The following KATNB1 variants were observed in gnomAD, a reference collection of about 807,000 sequenced individuals.
KATNB1 encodes the protein katanin regulatory subunit B1.
In KATNB1, 38 loss-of-function variants were observed where a neutral mutation model predicts 82.3. The observed-to-expected ratio is 0.46, with a 90% CI of 0.36 to 0.61. The LOEUF (loss-of-function observed/expected upper bound fraction) is 0.61. Among genes scored for constraint, KATNB1 ranks in the 20% least tolerant of loss-of-function variants. The pLI is 0.00. For missense variants in KATNB1, 749 were observed against 915.7 expected, an observed-to-expected ratio of 0.82 and a Z score of 2.35; for synonymous variants, 361 against 368.7, an observed-to-expected ratio of 0.98 and a Z score of 0.24.
At chr16:57,736,914 C>A in intron 1 of KATNB1, 64 bp from the exon 2 acceptor site, 5 of 585,808 alleles carry the variant, frequency 8.5e-6, no homozygotes, top group Non-Finnish European at 1.6e-5. Context: ...TCTTGGTGAT[C>A]CAGGGAGCAA....
At chr16:57,748,923 A>G (rs1442848881) in intron 4 of KATNB1, among the ~76,000 whole-genome samples, 1 of 152,204 alleles carries the variant, frequency 6.6e-6, no homozygotes, top group Non-Finnish European at 1.5e-5. Flanking sequence ...GCGGGTGTGG[A>G]CTGGAGCAAG....
chr16:57,752,198 C>A, intron 8 of KATNB1, 143 bp downstream of exon 8: 1 of 679,418 alleles, frequency 1.5e-6, no homozygotes, highest in Admixed American at 2.1e-5. Flanking sequence ...GGATTTCAGC[C>A]GAGCCAGGAC....
intron 3 of KATNB1, among the ~76,000 whole-genome samples, chr16:57,743,647 C>T (rs1037011544): frequency 2.0e-5 from 3 of 152,234 alleles, no homozygotes; most frequent in African/African-American, 4.8e-5. Context: ...AGGCCCCAGC[C>T]GGCCTCACCC....
chr16:57,744,322 G>C (rs554206366), intron 3 of KATNB1, 72 bp from the exon 4 acceptor site: 1 of 1,318,352 alleles, frequency 7.6e-7, no homozygotes, highest in African/African-American at 1.4e-5. Flanking sequence ...CTTTCCGGGG[G>C]ACTTGGAATT....
At chr16:57,745,656 T>C (rs1471222939) in intron 4 of KATNB1, among the ~76,000 whole-genome samples, 1 of 152,052 alleles carries the variant, frequency 6.6e-6, no homozygotes, top group East Asian at 1.9e-4. Flanking sequence ...CCCAGCCCCA[T>C]GGCTCGTGTT....
At chr16:57,736,817 G>GT (rs2049103684) in intron 1 of KATNB1, 161 bp from the exon 2 acceptor site, 2 of 379,552 alleles carry the variant, frequency 5.3e-6, no homozygotes, top group Middle Eastern at 6.0e-4. Flanking sequence ...CCTACCTGAG[G>GT]TGCCCCCTCT....
rs1007308260 is a variant in KATNB1, at chr16:57,751,519, A to C, written c.433-122A>C. 9.4e-6 allele frequency: 10 copies of C among 1,064,016 alleles called. No individual in the cohort carries two copies. Among genetic ancestry groups the C allele is most frequent in the Non-Finnish European group, 1.4e-5 (10 of 698,560 alleles). 65.9% of individuals were successfully genotyped at this position (1,064,016 alleles called of 1,614,324 possible). A position where few individuals can be genotyped will look rare whatever the true frequency, so the allele number is the denominator to read the frequency against. ...AGAGCCACGTTCATCAAACTGCTCCAAGCAGAACCAGGCGGGTAACCAGTG... is the reference window on the plus strand; with the variant it reads ...AGAGCCACGTTCATCAAACTGCTCCCAGCAGAACCAGGCGGGTAACCAGTG... On this transcript the variant is annotated intron_variant, in intron 6 of 19. Coordinates refer to ENST00000379661, the MANE Select transcript of KATNB1 (RefSeq NM_005886.3). The surrounding 1 kb of genome is among the most constrained non-coding windows in gnomAD (Gnocchi z 6.3).
At chr16:57,738,188 G>T (rs1567895281) in intron 2 of KATNB1, among the ~76,000 whole-genome samples, 1 of 152,018 alleles carries the variant, frequency 6.6e-6, no homozygotes, top group Non-Finnish European at 1.5e-5. Flanking sequence ...TAGCTTTTGT[G>T]TGCTCCACCT....
chr16:57,752,078 G>A (rs782632461), intron 8 of KATNB1, 23 bp downstream of exon 8: 2 of 1,509,162 alleles, frequency 1.3e-6, no homozygotes, highest in Non-Finnish European at 1.8e-6. Context: ...AGCGAGGCGA[G>A]TTGCTTGTGA....
intron 3 of KATNB1, 30 bp from the exon 4 acceptor site, chr16:57,744,364 T>C: frequency 1.9e-6 from 3 of 1,567,092 alleles, no homozygotes; most frequent in Non-Finnish European, 2.6e-6. Context: ...TGTCCAGCAG[T>C]GCACGGAAGC....
At position 57,755,383 on chromosome 16, in the gene KATNB1, G is replaced by A. The variant is rs1555585565; in HGVS notation, c.1455G>A (p.Glu485=). 6.2e-7 allele frequency: 1 copy of A among 1,613,368 alleles called. No individual in the cohort carries two copies. The highest frequency in any genetic ancestry group is 1.7e-5 in the Admixed American group (1 of 60,030). The change falls in exon 16 of 20, where the codon GAG becomes GAA. Residue 485 remains glutamate, a synonymous_variant. Coordinates refer to ENST00000379661, the MANE Select transcript of KATNB1 (RefSeq NM_005886.3). ...CCCAGCAGGCCGAGCTGGTGGACGA[G>A]GATGCCATGTCACAGATCCGCAAAG... The part of the protein sequence containing the change: ...KIPQQAELVD[E]DAMSQIRKGH...
In KATNB1 at chr16:57,755,876, G is replaced by A; in HGVS notation, c.1602G>A (p.Leu534=). Residue 534 remains leucine, a synonymous_variant, in exon 17 of 20, where the codon CTG becomes CTA. Coordinates refer to ENST00000379661, the MANE Select transcript of KATNB1 (RefSeq NM_005886.3). ...SVDSAVAIND[L]SVVVDLLNIV... ...ACTCCGCTGTGGCCATCAACGACCT[G>A]TCGGTGGTGGTGGACCTCCTGAACA... 1 of 1,596,638 alleles carries A rather than the reference G, an allele frequency of 6.3e-7. No homozygotes were observed. The highest frequency in any genetic ancestry group is 8.6e-7 in the Non-Finnish European group (1 of 1,166,578).
Position 57,755,392 on chromosome 16 carries a change from G to A in KATNB1, c.1464G>A (p.Met488Ile). 1 of 1,613,342 alleles carries A rather than the reference G, an allele frequency of 6.2e-7. No individual in the cohort carries two copies. The highest frequency in any genetic ancestry group is 1.6e-4 in the Middle Eastern group (1 of 6,062). Residue 488 changes from methionine (M) to isoleucine (I), a missense_variant, in exon 16 of 20, where the codon ATG (methionine) becomes ATA (isoleucine). Met to Ile is a conservative substitution (Grantham distance 10). This residue lies in a region of KATNB1 where 407 missense variants were observed against 434.7 expected (regional missense o/e 0.94). Transcript: ENST00000379661. The part of the protein sequence containing the change: ...QQAELVDEDA[M>I]SQIRKGHDTM... ...CCGAGCTGGTGGACGAGGATGCCATGTCACAGATCCGCAAAGGCCACGACA... is the reference window on the plus strand; with the variant it reads ...CCGAGCTGGTGGACGAGGATGCCATATCACAGATCCGCAAAGGCCACGACA...
Position 57,756,478 on chromosome 16 carries a change from G to A in KATNB1, c.1835+6G>A, listed in dbSNP as rs782645219. ...GATATCAGCAGGGAGGAGAGGTGAG[G>A]GCAGCGCATGTGTTGGGGGCAGGGG... On this transcript the variant is annotated splice_donor_region_variant and intron_variant, in intron 19 of 19. Transcript: ENST00000379661. 4 of 1,609,870 alleles carry A rather than the reference G, an allele frequency of 2.5e-6. No homozygotes were observed. In the South Asian group the frequency reaches 3.3e-5, roughly 13 times the overall value.
chr16:57,751,859 A>G lies in KATNB1; in HGVS notation c.517-81A>G. 1.4e-6 allele frequency: 2 copies of G among 1,413,206 alleles called. No individual in the cohort carries two copies. Among genetic ancestry groups the G allele is most frequent in the Non-Finnish European group, 2.0e-6 (2 of 1,008,158 alleles). The allele number at this position is 1,413,206 out of a possible 1,614,324, so 87.5% of individuals were successfully genotyped here. A position where few individuals can be genotyped will look rare whatever the true frequency, so the allele number is the denominator to read the frequency against. On this transcript the variant is annotated intron_variant, in intron 7 of 19. Coordinates refer to ENST00000379661, the MANE Select transcript of KATNB1 (RefSeq NM_005886.3). The surrounding 1 kb of genome is among the most constrained non-coding windows in gnomAD (Gnocchi z 6.3). ...CCCGAGTGGAAGGTAGCTTGTGGAT[A>G]AAGAGCTTGGCCTGGATTAGAGGGA...
At chr16:57,747,764 T>C (rs1555581813) in intron 4 of KATNB1, among the ~76,000 whole-genome samples, 1 of 152,186 alleles carries the variant, frequency 6.6e-6, no homozygotes, top group African/African-American at 2.4e-5. Context: ...CCATTCAGTA[T>C]TCACCGAAGA....
At chr16:57,755,045 C>T (rs1329927692) in intron 14 of KATNB1, 48 bp downstream of exon 14, 7 of 1,613,462 alleles carry the variant, frequency 4.3e-6, no homozygotes, top group South Asian at 2.2e-5. Flanking sequence ...AAGGTCCTGA[C>T]CCAGGGTTGG....
At chr16:57,756,579 A>G (rs1387540241) in intron 19 of KATNB1, 107 bp downstream of exon 19, 2 of 1,217,178 alleles carry the variant, frequency 1.6e-6, no homozygotes, top group Non-Finnish European at 2.3e-6. Flanking sequence ...GACAGAGTAC[A>G]GAGGAGGCGT....
chr16:57,753,192 A>G lies in KATNB1; in HGVS notation c.971A>G (p.Gln324Arg), dbSNP rs782590255. 19 of 1,609,690 alleles carry G rather than the reference A, an allele frequency of 1.2e-5. No individual in the cohort carries two copies. The East Asian group carries it at 3.1e-4, about 26-fold the overall frequency. ...DPVQDHRPLA[Q>R]PLPNPSAPLR... is the part of the protein sequence containing the mutation. ...GTGCAGGACCACCGGCCCCTGGCACAGCCACTGCCCAACCCCAGCGCCCCC... is the reference window on the plus strand; with the variant it reads ...GTGCAGGACCACCGGCCCCTGGCACGGCCACTGCCCAACCCCAGCGCCCCC... The change falls in exon 11 of 20, where the codon CAG (glutamine) becomes CGG (arginine). Residue 324 changes from glutamine (Q) to arginine (R), a missense_variant. Transcript: ENST00000379661.
Sources: gnomAD v4.1 joint callset for allele counts (sites outside exome capture counted in the v4.1 genomes callset) on GRCh38, gnomAD v4.1.1 for gene constraint, gnomAD v4.1.1 regional missense constraint, Gnocchi (gnomAD v3.1) non-coding constraint, MANE v1.5 for transcripts, NCBI Gene and HGNC (gene_info 2026-07-23, HGNC 2026-07-21) for gene names.